The following LIX1 variants were observed in gnomAD, a reference collection of about 807,000 sequenced individuals.
LIX1 encodes the protein protein limb expression 1 homolog.
In LIX1, 24 loss-of-function variants were observed where a neutral mutation model predicts 33.4. The ratio of observed to expected loss-of-function variants is 0.72; its 90% CI spans 0.52 to 1.01. LIX1 has a LOEUF of 1.01. Ranked by LOEUF, LIX1 falls within the 50% of genes least tolerant of loss-of-function variation. The probability of loss-of-function intolerance (pLI) is 0.00; values close to 1 mark genes in which losing one functional copy is unlikely to be tolerated. For synonymous variants in LIX1, 124 were observed against 124.0 expected (o/e 1.00, Z 0.00); for missense variants, 311 against 339.2 (o/e 0.92, Z 0.65).
At position 97,094,704 on chromosome 5, in the gene LIX1, A is replaced by G. The variant is rs1439963585; in HGVS notation, c.*44T>C. On this transcript the variant is annotated 3_prime_UTR_variant, in exon 6 of 6. Transcript: ENST00000274382. Reference sequence around the variant, plus strand: ...CTCTGCACTGAGATTCCTAATGTTAATCTGGCCTCTGCCATCACTGAGGGT... The same window carrying G: ...CTCTGCACTGAGATTCCTAATGTTAGTCTGGCCTCTGCCATCACTGAGGGT... 1 of 1,585,302 alleles carries G rather than the reference A, an allele frequency of 6.3e-7. No individual in the cohort carries two copies. Among genetic ancestry groups the G allele is most frequent in the South Asian group, 1.1e-5 (1 of 87,700 alleles).
chr5:97,106,882 AAAC>A (rs1747066433), intron 3 of LIX1, among the ~76,000 whole-genome samples: 1 of 152,210 alleles, frequency 6.6e-6, no homozygotes, highest in Middle Eastern at 3.2e-3. Context: ...TCACATGTCT[AAAC>A]AGTCCATGTT....
intron 2 of LIX1, 146 bp from the exon 3 acceptor site, chr5:97,107,646 G>T: frequency 1.2e-6 from 1 of 822,456 alleles, no homozygotes; most frequent in Non-Finnish European, 1.8e-6. Context: ...TTTCCCTGAA[G>T]GTCACGCAGA....
chr5:97,142,402 G>A, intron 1 of LIX1, 93 bp downstream of exon 1: 1 of 854,320 alleles, frequency 1.2e-6, no homozygotes, highest in South Asian at 1.5e-5. Flanking sequence ...CGACTGCAGA[G>A]ATTTAGGAGA....
intron 2 of LIX1, among the ~76,000 whole-genome samples, chr5:97,115,391 T>C (rs1419107556): frequency 6.6e-6 from 1 of 152,212 alleles, no homozygotes; most frequent in Non-Finnish European, 1.5e-5. Context: ...GCTGAAGCAA[T>C]TTAGACATGA....
At chr5:97,138,542 G>A (rs538169488) in intron 1 of LIX1, among the ~76,000 whole-genome samples, 1 of 152,282 alleles carries the variant, frequency 6.6e-6, no homozygotes, top group Non-Finnish European at 1.5e-5. Flanking sequence ...TAACTCCAAT[G>A]GCTCCCTATT....
intron 1 of LIX1, among the ~76,000 whole-genome samples, chr5:97,126,264 A>G (rs936224732): frequency 6.6e-6 from 1 of 152,214 alleles, no homozygotes; most frequent in Non-Finnish European, 1.5e-5. Flanking sequence ...AAAATTCTGG[A>G]CAGTGACATT....
chr5:97,106,440 C>T (rs1561492369), intron 3 of LIX1, among the ~76,000 whole-genome samples: 1 of 152,178 alleles, frequency 6.6e-6, no homozygotes, highest in Non-Finnish European at 1.5e-5. Context: ...GATAGTGTTT[C>T]CTTCATCATC....
At position 97,094,578 on chromosome 5, in the gene LIX1, C is replaced by G. The variant is rs994850000; in HGVS notation, c.*170G>C. ...AAATGCATCGAGTGGCTTGTTGGGTCTTGTAAGGGTCCTACGACTCTCATA... is the reference window on the plus strand; with the variant it reads ...AAATGCATCGAGTGGCTTGTTGGGTGTTGTAAGGGTCCTACGACTCTCATA... On this transcript the variant is annotated 3_prime_UTR_variant, in exon 6 of 6. Transcript: ENST00000274382. The G allele has an allele frequency of 1.7e-6, 1 of 603,518 alleles. No homozygotes were observed. The highest frequency in any genetic ancestry group is 1.8e-5 in the African/African-American group (1 of 54,102). The allele number at this position is 603,518 out of a possible 1,614,324, so 37.4% of individuals were successfully genotyped here.
At chr5:97,107,534 G>C in intron 2 of LIX1, 34 bp from the exon 3 acceptor site, 1 of 1,611,834 alleles carries the variant, frequency 6.2e-7, no homozygotes, top group Non-Finnish European at 8.5e-7. Flanking sequence ...AGTCATTTGA[G>C]AATTTAGCAT....
chr5:97,105,953 G>C (rs2112764019), intron 3 of LIX1, among the ~76,000 whole-genome samples: 1 of 152,332 alleles, frequency 6.6e-6, no homozygotes, highest in African/African-American at 2.4e-5. Context: ...TTCCCGGGAA[G>C]GTGGGCAATG....
At chr5:97,117,882 G>T (rs926583844) in intron 2 of LIX1, among the ~76,000 whole-genome samples, 6 of 150,848 alleles carry the variant, frequency 4.0e-5, no homozygotes, top group Admixed American at 4.0e-4. Flanking sequence ...TCACTACTCT[G>T]CAGCCCTGTT....
At position 97,092,303 on chromosome 5, in the gene LIX1, G is replaced by T. The variant is rs1297027483; in HGVS notation, c.*2445C>A. The T allele has an allele frequency of 2.0e-5, 3 of 152,268 alleles. No individual in the cohort carries two copies. In the East Asian group the frequency reaches 5.6e-4, roughly 29 times the overall value. The allele number at this position is 152,268 out of a possible 1,614,324, so 9.4% of individuals were successfully genotyped here. On this transcript the variant is annotated 3_prime_UTR_variant, in exon 6 of 6. Coordinates refer to ENST00000274382, the MANE Select transcript of LIX1 (RefSeq NM_153234.5). ...CTCAAAGGGCTTATAACCAAAAAAGGCTAGGACCCAGAGCTTCATGTGTTT... is the reference window on the plus strand; with the variant it reads ...CTCAAAGGGCTTATAACCAAAAAAGTCTAGGACCCAGAGCTTCATGTGTTT...
In LIX1 at chr5:97,124,638, G is replaced by A. The variant is rs201672664; in HGVS notation, c.83-9C>T. 1.9e-6 allele frequency: 3 copies of A among 1,603,432 alleles called. No homozygotes were observed. Among genetic ancestry groups the A allele is most frequent in the Non-Finnish European group, 1.7e-6 (2 of 1,173,928 alleles). On this transcript the variant is annotated splice_polypyrimidine_tract_variant and intron_variant, in intron 1 of 5. Transcript: ENST00000274382. The stretch of plus-strand genomic sequence containing the variant: ...CATTGACACAACGTTCACTGAAAAA[G>A]ACAAGAAACACCATCAGTTATTAAG...
intron 1 of LIX1, among the ~76,000 whole-genome samples, chr5:97,125,501 G>A (rs1441916515): frequency 2.0e-5 from 3 of 152,204 alleles, no homozygotes; most frequent in Non-Finnish European, 4.4e-5. Flanking sequence ...CATGTGGAAG[G>A]ACCTAGTACT....
chr5:97,134,993 A>C (rs1181108492), intron 1 of LIX1, among the ~76,000 whole-genome samples: 1 of 152,196 alleles, frequency 6.6e-6, no homozygotes, highest in Non-Finnish European at 1.5e-5. Context: ...CTCTTCACCA[A>C]CTGGAAAGCT....
Position 97,107,371 on chromosome 5 carries a change from C to T in LIX1, c.376G>A (p.Ala126Thr), listed in dbSNP as rs768256040. The T allele has an allele frequency of 1.2e-6, 2 of 1,612,174 alleles. No homozygotes were observed. Among genetic ancestry groups the T allele is most frequent in the South Asian group, 1.1e-5 (1 of 90,972 alleles). Residue 126 changes from alanine to threonine, a missense_variant, in exon 3 of 6, where the codon GCC (alanine) becomes ACC (threonine). Ala to Thr is a moderately conservative substitution (Grantham distance 58, BLOSUM62 0). Coordinates refer to ENST00000274382, the MANE Select transcript of LIX1 (RefSeq NM_153234.5). ...TGGTGGGTACTCACGCTGGTGGAGG[C>T]TACTGCTTCCTGAACACTTTCCATA... ...FIMESVQEAV[A>T]STSGTLDDAD...
intron 2 of LIX1, among the ~76,000 whole-genome samples, chr5:97,115,107 A>G (rs1436804002): frequency 3.3e-5 from 5 of 152,186 alleles, no homozygotes; most frequent in Non-Finnish European, 7.4e-5. Context: ...TATTTCTTCT[A>G]TGATTATTTT....
chr5:97,098,547 T>C (rs1746511448), intron 4 of LIX1, among the ~76,000 whole-genome samples: 1 of 152,208 alleles, frequency 6.6e-6, no homozygotes, highest in Non-Finnish European at 1.5e-5. Flanking sequence ...TCTTAAAAAA[T>C]AGTTATGAAA....
Position 97,142,481 on chromosome 5 carries a change from C to T in LIX1, c.82+14G>A, listed in dbSNP as rs576041870. On this transcript the variant is annotated intron_variant, in intron 1 of 5. Coordinates refer to ENST00000274382, the MANE Select transcript of LIX1 (RefSeq NM_153234.5). ...TCTAAAAAGTCAAAAAACTTTTCCCCCTTCAGTACTTACAGTCTTTGAAGA... is the reference window on the plus strand; with the variant it reads ...TCTAAAAAGTCAAAAAACTTTTCCCTCTTCAGTACTTACAGTCTTTGAAGA... The T allele has an allele frequency of 5.7e-5, 92 of 1,601,538 alleles. No individual in the cohort carries two copies. The South Asian group carries it at 7.3e-4, about 13-fold the overall frequency.
Sources: allele counts gnomAD v4.1 joint callset (sites outside exome capture counted in the v4.1 genomes callset), GRCh38; gene constraint gnomAD v4.1.1; transcripts MANE v1.5; gene names NCBI Gene and HGNC (gene_info 2026-07-23, HGNC 2026-07-21).